TSPAN18: variants seen among roughly 807,000 people sequenced by gnomAD.
TSPAN18 encodes tetraspanin-18.
A neutral mutation model predicts 27.3 loss-of-function variants in TSPAN18; 14 were observed. The observed-to-expected ratio is 0.51, with a 90% CI of 0.34 to 0.80. The LOEUF (loss-of-function observed/expected upper bound fraction) is 0.80, where lower values mean the gene tolerates loss of function less well. Among genes scored for constraint, TSPAN18 ranks in the 30% least tolerant of loss-of-function variants. The pLI, the probability that TSPAN18 is intolerant of heterozygous loss-of-function variation, is 0.01. For missense variants in TSPAN18, 268 were observed against 323.9 expected (o/e 0.83, Z 1.32); for synonymous variants, 143 against 136.5 (o/e 1.05, Z -0.33).
chr11:44,926,694 C>G lies in TSPAN18; in HGVS notation c.636C>G (p.Leu212=). The G allele has an allele frequency of 1.9e-6, 3 of 1,614,146 alleles. No homozygotes were observed. Among genetic ancestry groups the G allele is most frequent in the African/African-American group, 1.3e-5 (1 of 75,048 alleles). ...LNKQGCYTVI[L]NTFETYVYLA... The stretch of plus-strand genomic sequence containing the variant: ...CCCAGGGCTGTTACACGGTGATCCT[C>G]AACACCTTCGAGACCTACGTCTACT... The change falls in exon 9 of 10, where the codon CTC becomes CTG. Residue 212 remains leucine, a synonymous_variant. Coordinates refer to ENST00000520358, the MANE Select transcript of TSPAN18 (RefSeq NM_130783.5).
intron 1 of TSPAN18, among the ~76,000 whole-genome samples, chr11:44,763,868 A>C (rs887316948): frequency 6.6e-6 from 1 of 152,118 alleles, no homozygotes; most frequent in African/African-American, 2.4e-5. Flanking sequence ...CCATTCTTGC[A>C]CTGCTGTAAA....
intron 2 of TSPAN18, among the ~76,000 whole-genome samples, chr11:44,822,716 C>A (rs1257029703): frequency 6.6e-6 from 1 of 152,118 alleles, no homozygotes; most frequent in Non-Finnish European, 1.5e-5. Context: ...AGCTGTCCTT[C>A]CCCAAAGGCT....
At chr11:44,846,285 G>A (rs1374576582) in intron 2 of TSPAN18, among the ~76,000 whole-genome samples, 1 of 152,222 alleles carries the variant, frequency 6.6e-6, no homozygotes, top group African/African-American at 2.4e-5. Flanking sequence ...GTAGCCAAGA[G>A]ATCTTCCTGC....
intron 2 of TSPAN18, among the ~76,000 whole-genome samples, chr11:44,858,344 G>A (rs1431857812): frequency 1.3e-5 from 2 of 152,004 alleles, no homozygotes; most frequent in African/African-American, 2.4e-5. Context: ...ACATGCTCAC[G>A]GGTGTTATCA....
At chr11:44,826,380 C>T (rs905837240) in intron 2 of TSPAN18, among the ~76,000 whole-genome samples, 1 of 152,188 alleles carries the variant, frequency 6.6e-6, no homozygotes, top group African/African-American at 2.4e-5. Flanking sequence ...GTCGAGATGG[C>T]GCCATTGCAC....
intron 5 of TSPAN18, among the ~76,000 whole-genome samples, chr11:44,915,620 C>T (rs1322350155): frequency 6.6e-6 from 1 of 152,200 alleles, no homozygotes; most frequent in Non-Finnish European, 1.5e-5. Flanking sequence ...AACCTGCTGA[C>T]CTGTGGAGAC....
intron 1 of TSPAN18, among the ~76,000 whole-genome samples, chr11:44,728,398 A>T (rs77430655): frequency 0.054 from 8,194 of 152,198 alleles, 297 homozygotes; most frequent in African/African-American, 0.097. Flanking sequence ...CAAACCCCAA[A>T]ATGCATGCAC....
intron 1 of TSPAN18, among the ~76,000 whole-genome samples, chr11:44,752,566 T>TTGTG (rs10539343): frequency 6.6e-6 from 1 of 151,614 alleles, no homozygotes; most frequent in African/African-American, 2.4e-5. Flanking sequence ...CTTTGACAGT[T>TTGTG]TGTGTGTGTG....
At chr11:44,871,081 T>G (rs1858181005) in intron 3 of TSPAN18, among the ~76,000 whole-genome samples, 1 of 152,180 alleles carries the variant, frequency 6.6e-6, no homozygotes, top group Non-Finnish European at 1.5e-5. Flanking sequence ...GACTCTTAAC[T>G]GCCAGCTCTT....
chr11:44,786,922 G>A (rs1047666384), intron 2 of TSPAN18, among the ~76,000 whole-genome samples: 32 of 152,028 alleles, frequency 2.1e-4, no homozygotes, highest in Non-Finnish European at 3.8e-4. Flanking sequence ...ATGAGCCACC[G>A]CTCCTGGCCT....
intron 2 of TSPAN18, among the ~76,000 whole-genome samples, chr11:44,854,322 G>A (rs1030313864): frequency 2.0e-5 from 3 of 151,904 alleles, no homozygotes; most frequent in Non-Finnish European, 2.9e-5. Context: ...CTGGAACACC[G>A]GGAGGAACTG....
chr11:44,785,843 C>T (rs535005836), intron 2 of TSPAN18, among the ~76,000 whole-genome samples: 54 of 152,268 alleles, frequency 3.5e-4, no homozygotes, highest in Middle Eastern at 3.4e-3. Flanking sequence ...TGCTGGGGTT[C>T]GAGGGGCAAG....
At chr11:44,924,212 C>T (rs375009710) in intron 8 of TSPAN18, among the ~76,000 whole-genome samples, 19 of 152,018 alleles carry the variant, frequency 1.2e-4, no homozygotes, top group African/African-American at 4.6e-4. Flanking sequence ...CACAGAGAGA[C>T]GGACGGTAAT....
intron 9 of TSPAN18, among the ~76,000 whole-genome samples, chr11:44,927,492 GGGCACCT>G (rs1860407986): frequency 6.6e-6 from 1 of 152,168 alleles, no homozygotes; most frequent in Admixed American, 6.5e-5. Flanking sequence ...CCAGCAGCCT[GGGCACCT>G]GGCACCATGA....
intron 2 of TSPAN18, among the ~76,000 whole-genome samples, chr11:44,853,153 G>A (rs748052540): frequency 1.1e-4 from 16 of 152,156 alleles, no homozygotes; most frequent in Non-Finnish European, 2.4e-4. Context: ...AGAGGGACGT[G>A]GTCCAAGCTT....
intron 5 of TSPAN18, among the ~76,000 whole-genome samples, chr11:44,915,625 G>A (rs2135354881): frequency 6.6e-6 from 1 of 152,294 alleles, no homozygotes; most frequent in East Asian, 1.9e-4. Context: ...GCTGACCTGT[G>A]GAGACAGACT....
At chr11:44,746,663 G>A (rs983045027) in intron 1 of TSPAN18, among the ~76,000 whole-genome samples, 2 of 152,144 alleles carry the variant, frequency 1.3e-5, no homozygotes, top group East Asian at 1.9e-4. Context: ...AGGCTGAGGC[G>A]AGAGGATTGC....
chr11:44,727,332 G>T (rs4755277), intron 1 of TSPAN18, 45 bp downstream of exon 1: 2,686 of 152,336 alleles, frequency 0.018, 34 homozygotes, highest in Middle Eastern at 0.048. Context: ...CCGCCGCCGC[G>T]CCCCCGGGGA....
intron 2 of TSPAN18, among the ~76,000 whole-genome samples, chr11:44,837,090 G>C (rs532095377): frequency 6.6e-6 from 1 of 152,320 alleles, no homozygotes; most frequent in South Asian, 2.1e-4. Context: ...AATAGATTTT[G>C]TAAGGCTATA....
Sources: allele counts gnomAD v4.1 joint callset (sites outside exome capture counted in the v4.1 genomes callset), GRCh38; gene constraint gnomAD v4.1.1; transcripts MANE v1.5; gene names NCBI Gene and HGNC (gene_info 2026-07-23, HGNC 2026-07-21).